TSGA10: variants seen among roughly 807,000 people sequenced by gnomAD.
TSGA10 encodes the protein testis-specific gene 10 protein.
Under a neutral mutation model 96.6 loss-of-function variants are expected in TSGA10, and 43 were observed. That is an observed-to-expected ratio of 0.44 (90% CI 0.35 to 0.57). TSGA10 has a LOEUF of 0.57. Among genes scored for constraint, TSGA10 ranks in the 20% least tolerant of loss-of-function variants. The probability of loss-of-function intolerance (pLI) is 0.01; values close to 1 mark genes in which losing one functional copy is unlikely to be tolerated. For missense variants in TSGA10, 703 were observed against 834.4 expected, an observed-to-expected ratio of 0.84 and a Z score of 1.94; for synonymous variants, 229 against 269.9, an observed-to-expected ratio of 0.85 and a Z score of 1.48.
intron 20 of TSGA10, among the ~76,000 whole-genome samples, chr2:99,015,317 T>A (rs1327259299): frequency 6.6e-6 from 1 of 152,112 alleles, no homozygotes; most frequent in Non-Finnish European, 1.5e-5. Context: ...GCATACCAGG[T>A]ATGCAGCAAT....
chr2:99,129,672 A>G (rs1424380465), intron 1 of TSGA10, among the ~76,000 whole-genome samples: 2 of 152,172 alleles, frequency 1.3e-5, no homozygotes, highest in African/African-American at 4.8e-5. Flanking sequence ...ACCTTGCTGC[A>G]ATCTCATCAT....
Position 99,105,662 on chromosome 2 carries a change from C to G in TSGA10, c.246G>C (p.Met82Ile). The part of the protein sequence containing the change: ...QEEITRLRRE[M>I]MKSCKSPKST... ...ATTTAGGACTCTTACAGCTTTTCAT[C>G]ATTTCTCGTCGAAGTCGGGTAATTT... Residue 82 changes from methionine to isoleucine, a missense_variant, in exon 8 of 21, where the codon ATG becomes ATC. By Grantham distance (10) the Met-to-Ile change is conservative. Around this residue, in one of 3 missense-constraint regions of TSGA10, gnomAD observed 585 missense variants for 656.8 expected, o/e 0.89. Transcript: ENST00000393483. The G allele has an allele frequency of 6.3e-7, 1 of 1,592,384 alleles. No homozygotes were observed. Among genetic ancestry groups the G allele is most frequent in the Non-Finnish European group, 8.6e-7 (1 of 1,162,104 alleles).
chr2:99,132,615 T>C (rs2093144515), intron 1 of TSGA10, among the ~76,000 whole-genome samples: 1 of 152,196 alleles, frequency 6.6e-6, no homozygotes, highest in South Asian at 2.1e-4. Flanking sequence ...CCTTCAGTTC[T>C]GCTCTGATCT....
chr2:99,147,612 G>T, intron 1 of TSGA10: 1 of 835,302 alleles, frequency 1.2e-6, no homozygotes, highest in Non-Finnish European at 1.9e-6. Flanking sequence ...TACGTTTGTT[G>T]ATTTCAAATG....
intron 1 of TSGA10, among the ~76,000 whole-genome samples, chr2:99,152,662 T>C (rs1241439570): frequency 6.6e-6 from 1 of 152,240 alleles, no homozygotes; most frequent in African/African-American, 2.4e-5. Flanking sequence ...AGGACATTTA[T>C]AGCTTTTGCA....
intron 17 of TSGA10, among the ~76,000 whole-genome samples, chr2:99,023,516 TTTC>T (rs1323045499): frequency 1.3e-5 from 2 of 152,224 alleles, no homozygotes; most frequent in African/African-American, 2.4e-5. Context: ...ACTTCTGTGT[TTTC>T]TTCTTAATAC....
At chr2:99,095,628 A>T (rs1378682337) in intron 10 of TSGA10, among the ~76,000 whole-genome samples, 2 of 152,146 alleles carry the variant, frequency 1.3e-5, no homozygotes, top group East Asian at 3.9e-4. Context: ...AATGGGAGAT[A>T]TTACAACTGA....
At chr2:99,150,715 A>C in intron 1 of TSGA10, 1 of 1,614,124 alleles carries the variant, frequency 6.2e-7, no homozygotes, top group South Asian at 1.1e-5. Flanking sequence ...AGAAGACACA[A>C]ATCAAGAAAA....
At chr2:99,064,527 A>C (rs2085049423) in intron 16 of TSGA10, among the ~76,000 whole-genome samples, 1 of 152,212 alleles carries the variant, frequency 6.6e-6, no homozygotes, top group African/African-American at 2.4e-5. Flanking sequence ...CACTGACAGG[A>C]AAGTTATGCA....
At chr2:99,102,576 A>T in intron 10 of TSGA10, 1 of 1,614,164 alleles carries the variant, frequency 6.2e-7, no homozygotes, top group African/African-American at 1.3e-5. Context: ...TGTGTCAGAT[A>T]TGATTATGGA....
intron 11 of TSGA10, among the ~76,000 whole-genome samples, chr2:99,079,121 A>G (rs576714007): frequency 6.6e-6 from 1 of 152,328 alleles, no homozygotes; most frequent in East Asian, 1.9e-4. Flanking sequence ...GAGTGGGTGG[A>G]TGAAGTAAGT....
intron 1 of TSGA10, chr2:99,141,693 A>T (rs1377975140): frequency 6.5e-6 from 1 of 152,800 alleles, no homozygotes; most frequent in East Asian, 1.9e-4. Flanking sequence ...TGGAACGCGC[A>T]TGCGCAAGGC....
At chr2:99,144,590 G>A (rs912162401) in intron 1 of TSGA10, among the ~76,000 whole-genome samples, 7 of 141,530 alleles carry the variant, frequency 4.9e-5, no homozygotes, top group Non-Finnish European at 9.0e-5. Flanking sequence ...CAGAGGTTGC[G>A]GTAAGCCGAG....
intron 12 of TSGA10, among the ~76,000 whole-genome samples, chr2:99,075,994 C>T (rs1028145440): frequency 6.6e-6 from 1 of 152,144 alleles, no homozygotes; most frequent in African/African-American, 2.4e-5. Context: ...TTTACCATCT[C>T]ATGCCCTTTG....
At chr2:99,008,463 G>T (rs910396452) in intron 20 of TSGA10, among the ~76,000 whole-genome samples, 9 of 152,126 alleles carry the variant, frequency 5.9e-5, no homozygotes, top group African/African-American at 2.2e-4. Context: ...CACAATAAGA[G>T]AAATGCAAAT....
intron 10 of TSGA10, chr2:99,101,872 C>T: frequency 1.8e-6 from 1 of 557,200 alleles, no homozygotes; most frequent in Non-Finnish European, 3.2e-6. Context: ...ATGGTAGTTG[C>T]CAAGGATTGA....
At chr2:99,068,005 T>C (rs1453426607) in intron 15 of TSGA10, among the ~76,000 whole-genome samples, 1 of 152,162 alleles carries the variant, frequency 6.6e-6, no homozygotes, top group Non-Finnish European at 1.5e-5. Context: ...CTGAGTAGCC[T>C]GCATAAATAA....
chr2:99,141,561 A>C (rs1271390744), intron 1 of TSGA10: 2 of 153,090 alleles, frequency 1.3e-5, no homozygotes, highest in Admixed American at 6.5e-5. Flanking sequence ...CGCGCCGCGC[A>C]GGCGCACGCC....
Position 99,121,079 on chromosome 2 carries a change from C to T in TSGA10, c.-491-2393G>A, listed in dbSNP as rs141242667. On this transcript the variant is annotated intron_variant, in intron 2 of 20. Transcript: ENST00000393483. Reference sequence around the variant, plus strand: ...TTAACCATTCACCAATTAAGGAAAACTGGTTGTTTCCAGTTTGGGAATATA... The same window carrying T: ...TTAACCATTCACCAATTAAGGAAAATTGGTTGTTTCCAGTTTGGGAATATA... Among the ~76,000 whole-genome samples, 1,081 of 152,238 alleles carry T rather than the reference C, an allele frequency of 7.1e-3. 6 individuals carry two copies. Among genetic ancestry groups the T allele is most frequent in the Non-Finnish European group, 9.9e-3 (671 of 67,998 alleles).
Sources: allele counts gnomAD v4.1 joint callset (sites outside exome capture counted in the v4.1 genomes callset), GRCh38; gene constraint gnomAD v4.1.1; regional missense constraint gnomAD v4.1.1; transcripts MANE v1.5; gene names NCBI Gene and HGNC (gene_info 2026-07-23, HGNC 2026-07-21).